The following HPSE2 variants were observed in gnomAD, a reference collection of about 807,000 sequenced individuals.
HPSE2 encodes the protein heparanase 2 (inactive), also known as inactive heparanase-2.
In HPSE2, 38 loss-of-function variants were observed where a neutral mutation model predicts 60.5. That is an observed-to-expected ratio of 0.63 (90% CI 0.48 to 0.82). The LOEUF (loss-of-function observed/expected upper bound fraction) is 0.82, where lower values mean the gene tolerates loss of function less well. HPSE2 is among the 40% of genes least tolerant of loss of function. The pLI is 0.00. For synonymous variants in HPSE2, 295 were observed against 293.2 expected (o/e 1.01, Z -0.06); for missense variants, 713 against 740.4 (o/e 0.96, Z 0.43).
chr10:98,946,488 A>AT (rs1441809505), intron 3 of HPSE2, among the ~76,000 whole-genome samples: 3 of 150,688 alleles, frequency 2.0e-5, no homozygotes, highest in Non-Finnish European at 3.0e-5. Context: ...AAAAAAAAAA[A>AT]CAGAAAAGAA....
chr10:99,308,130 G>A, the HPSE2 span, among the ~76,000 whole-genome samples: 1 of 151,986 alleles, frequency 6.6e-6, no homozygotes, highest in Non-Finnish European at 1.5e-5. Flanking sequence ...GCTCATGCCT[G>A]TAATCCCAGC....
At chr10:99,192,592 A>G (rs745374489) in intron 2 of HPSE2, among the ~76,000 whole-genome samples, 9 of 134,486 alleles carry the variant, frequency 6.7e-5, no homozygotes, top group African/African-American at 2.3e-4. Context: ...ATCTGCCACC[A>G]TATCTGGCTA....
At chr10:99,100,422 TGAGAA>T (rs1253415355) in intron 3 of HPSE2, among the ~76,000 whole-genome samples, 3 of 151,906 alleles carry the variant, frequency 2.0e-5, no homozygotes, top group Non-Finnish European at 1.5e-5. Flanking sequence ...TGAAATGAAG[TGAGAA>T]GAGAAGTTTA....
rs569039529 is a variant in HPSE2, at chr10:99,132,968, C to T, written c.610+11270G>A. Among the ~76,000 whole-genome samples the T allele has an allele frequency of 2.6e-5, 4 of 152,286 alleles. No individual in the cohort carries two copies. In the East Asian group the frequency reaches 7.7e-4, roughly 29 times the overall value. ...TCAGAGGGTCCCACCCCCACAGAGCCCAGCAAACTAAGATCCACTGGCTTG... is the reference window on the plus strand; with the variant it reads ...TCAGAGGGTCCCACCCCCACAGAGCTCAGCAAACTAAGATCCACTGGCTTG... On this transcript the variant is annotated intron_variant, in intron 3 of 11. Transcript: ENST00000370552.
At chr10:98,617,837 A>G (rs1261872963) in intron 8 of HPSE2, among the ~76,000 whole-genome samples, 2 of 152,192 alleles carry the variant, frequency 1.3e-5, no homozygotes, top group East Asian at 3.9e-4. Flanking sequence ...GTGGTCCACC[A>G]AAGAATCTCA....
intron 2 of HPSE2, among the ~76,000 whole-genome samples, chr10:99,201,515 A>C (rs1224274164): frequency 2.0e-5 from 3 of 152,036 alleles, no homozygotes; most frequent in African/African-American, 7.2e-5. Flanking sequence ...CTTAATTCTA[A>C]AGCTGTCTCA....
At chr10:98,545,648 C>T (rs781745906) in intron 9 of HPSE2, among the ~76,000 whole-genome samples, 7 of 152,202 alleles carry the variant, frequency 4.6e-5, no homozygotes, top group South Asian at 2.1e-4. Context: ...ATTGATGGGA[C>T]GTATCTCAAA....
chr10:99,174,873 C>T (rs963973249), intron 2 of HPSE2, among the ~76,000 whole-genome samples: 3 of 152,198 alleles, frequency 2.0e-5, no homozygotes, highest in African/African-American at 4.8e-5. Flanking sequence ...GTGACATCAA[C>T]GCAGAAGGCA....
intron 9 of HPSE2, among the ~76,000 whole-genome samples, chr10:98,496,350 GA>G: frequency 6.6e-6 from 1 of 152,346 alleles, no homozygotes; most frequent in African/African-American, 2.4e-5. Flanking sequence ...GCCAGAGGGG[GA>G]GAGGCTTACA....
the HPSE2 span, among the ~76,000 whole-genome samples, chr10:99,275,970 T>G: frequency 6.6e-6 from 1 of 152,158 alleles, no homozygotes; most frequent in Non-Finnish European, 1.5e-5. Context: ...GCACATCGTA[T>G]CATGGACATA....
intron 3 of HPSE2, among the ~76,000 whole-genome samples, chr10:98,898,236 C>A (rs1401726952): frequency 6.6e-6 from 1 of 152,094 alleles, no homozygotes; most frequent in Non-Finnish European, 1.5e-5. Context: ...GATATTCACC[C>A]AACTGATTTG....
chr10:99,222,111 C>G (rs1215334018), intron 2 of HPSE2, among the ~76,000 whole-genome samples: 2 of 151,952 alleles, frequency 1.3e-5, no homozygotes, highest in African/African-American at 4.8e-5. Context: ...CAGACTCCAG[C>G]TAATATAAAG....
At chr10:98,687,449 G>A (rs1947945989) in intron 6 of HPSE2, among the ~76,000 whole-genome samples, 1 of 152,106 alleles carries the variant, frequency 6.6e-6, no homozygotes, top group Non-Finnish European at 1.5e-5. Context: ...TTCTACTCTT[G>A]TGGTTATATT....
rs556841157 is a variant in HPSE2, at chr10:98,827,362, C to T, written c.611-83306G>A. 5.3e-5 allele frequency among the ~76,000 whole-genome samples: 8 copies of T among 152,020 alleles called. No homozygotes were observed. The East Asian group carries it at 7.9e-4, about 15-fold the overall frequency. ...CTGGGACTACAGGCATGCACCACCA[C>T]GCCCGGCTAATTTTTTTGTATTTTT... On this transcript the variant is annotated intron_variant, in intron 3 of 11. Coordinates refer to ENST00000370552, the MANE Select transcript of HPSE2 (RefSeq NM_021828.5).
chr10:99,041,304 C>T (rs1244790306), intron 3 of HPSE2, among the ~76,000 whole-genome samples: 2 of 152,082 alleles, frequency 1.3e-5, no homozygotes, highest in African/African-American at 2.4e-5. Flanking sequence ...GCAACAGCAA[C>T]CCACAAGGAG....
At chr10:98,759,274 A>G (rs1403138645) in intron 3 of HPSE2, among the ~76,000 whole-genome samples, 1 of 152,100 alleles carries the variant, frequency 6.6e-6, no homozygotes. Flanking sequence ...TTTGTATGCC[A>G]AATACTCATG....
intron 6 of HPSE2, among the ~76,000 whole-genome samples, chr10:98,667,812 C>T (rs577088469): frequency 2.0e-5 from 3 of 152,280 alleles, no homozygotes; most frequent in African/African-American, 4.8e-5. Flanking sequence ...GACAAATCCA[C>T]GGCCAACATC....
At chr10:98,817,263 T>C (rs1051949990) in intron 3 of HPSE2, among the ~76,000 whole-genome samples, 2 of 152,332 alleles carry the variant, frequency 1.3e-5, no homozygotes, top group African/African-American at 2.4e-5. Context: ...CTTGCAGTGA[T>C]TGTCCCCTTT....
At chr10:99,128,777 A>C (rs1387567033) in intron 3 of HPSE2, among the ~76,000 whole-genome samples, 6 of 152,146 alleles carry the variant, frequency 3.9e-5, no homozygotes, top group African/African-American at 1.4e-4. Context: ...GCAAACCACC[A>C]TAGCACATGT....
Sources: allele counts gnomAD v4.1 joint callset (sites outside exome capture counted in the v4.1 genomes callset), GRCh38; gene constraint gnomAD v4.1.1; transcripts MANE v1.5; gene names NCBI Gene and HGNC (gene_info 2026-07-23, HGNC 2026-07-21).